Variants in PACRG observed in about 807,000 individuals in gnomAD.
The protein encoded by PACRG is parkin coregulated gene protein.
Under a neutral mutation model 29.7 loss-of-function variants are expected in PACRG, and 29 were observed. The observed-to-expected ratio is 0.98, with a 90% CI of 0.73 to 1.33. PACRG has a LOEUF of 1.33. Among genes scored for constraint, PACRG ranks in the 40% most tolerant of loss-of-function variants. The pLI is 0.00. For synonymous variants in PACRG, 116 were observed against 118.7 expected, an observed-to-expected ratio of 0.98 and a Z score of 0.15; for missense variants, 279 against 316.2, an observed-to-expected ratio of 0.88 and a Z score of 0.89.
intron 2 of PACRG, among the ~76,000 whole-genome samples, chr6:162,871,288 T>A (rs1285360859): frequency 6.6e-6 from 1 of 152,220 alleles, no homozygotes; most frequent in Non-Finnish European, 1.5e-5. Flanking sequence ...GAAGTTATAG[T>A]TTGAATGTGA....
intron 2 of PACRG, among the ~76,000 whole-genome samples, chr6:162,933,353 C>T (rs1562749396): frequency 6.6e-6 from 1 of 151,990 alleles, no homozygotes; most frequent in Non-Finnish European, 1.5e-5. Flanking sequence ...CTCTTAGGTA[C>T]ATTTGCTCTG....
At chr6:162,778,824 G>C (rs1344272567) in intron 1 of PACRG, among the ~76,000 whole-genome samples, 1 of 152,238 alleles carries the variant, frequency 6.6e-6, no homozygotes, top group African/African-American at 2.4e-5. Flanking sequence ...CGCTCAGAGC[G>C]AGCCTAGCGG....
chr6:163,158,446 C>G (rs1050830100), intron 4 of PACRG, among the ~76,000 whole-genome samples: 18 of 152,070 alleles, frequency 1.2e-4, no homozygotes, highest in Admixed American at 3.3e-4. Context: ...CCTTAAAGAT[C>G]AAAGCTTCCA....
At chr6:163,288,457 A>G (rs1275028109) in intron 4 of PACRG, among the ~76,000 whole-genome samples, 1 of 152,216 alleles carries the variant, frequency 6.6e-6, no homozygotes, top group Non-Finnish European at 1.5e-5. Context: ...CAGGAGAATA[A>G]GCTCTGTTAA....
chr6:163,312,692 A>G (rs1785473960), intron 4 of PACRG: 5 of 337,712 alleles, frequency 1.5e-5, no homozygotes, highest in South Asian at 1.1e-4. Flanking sequence ...CTCAAAAACA[A>G]TAGGGCAAGG....
chr6:162,989,769 G>A (rs1803265122), intron 2 of PACRG, among the ~76,000 whole-genome samples: 1 of 146,266 alleles, frequency 6.8e-6, no homozygotes. Context: ...TTAAGTTTTA[G>A]GGTACATGTG....
At position 163,175,998 on chromosome 6, in the gene PACRG, T is replaced by G. The variant is rs184107676; in HGVS notation, c.613+86590T>G. Reference sequence around the variant, plus strand: ...CAGGTAATGAGTCTATTCTGTTTATTTATCTAGTTCAGAGATTTGGGCTTC... The same window carrying G: ...CAGGTAATGAGTCTATTCTGTTTATGTATCTAGTTCAGAGATTTGGGCTTC... On this transcript the variant is annotated intron_variant, in intron 4 of 4. Coordinates refer to ENST00000366888, the MANE Select transcript of PACRG (RefSeq NM_001080379.2). 9.2e-5 allele frequency among the ~76,000 whole-genome samples: 14 copies of G among 152,348 alleles called. 1 individual carries two copies. The highest frequency in any genetic ancestry group is 9.1e-4 in the Admixed American group (14 of 15,302).
At chr6:163,108,392 C>CTTTTTTTTT (rs528887997) in intron 4 of PACRG, among the ~76,000 whole-genome samples, 7 of 90,506 alleles carry the variant, frequency 7.7e-5, no homozygotes, top group Admixed American at 1.6e-4. Context: ...TTCTCTTTCC[C>CTTTTTTTTT]TTTTTTTTTT....
At chr6:162,804,700 A>T (rs552275599) in intron 1 of PACRG, among the ~76,000 whole-genome samples, 6 of 152,254 alleles carry the variant, frequency 3.9e-5, no homozygotes, top group African/African-American at 1.4e-4. Context: ...TTAGACCTTG[A>T]CTGAAAACCC....
chr6:162,860,331 A>G (rs1299026205), intron 2 of PACRG, among the ~76,000 whole-genome samples: 1 of 152,186 alleles, frequency 6.6e-6, no homozygotes, highest in African/African-American at 2.4e-5. Context: ...TTTTCACCAA[A>G]TGAATTTTAT....
At chr6:162,829,622 A>T (rs1391155805) in intron 2 of PACRG, among the ~76,000 whole-genome samples, 2 of 152,190 alleles carry the variant, frequency 1.3e-5, no homozygotes, top group Non-Finnish European at 2.9e-5. Flanking sequence ...GGACCGTAAG[A>T]TTATAACAGA....
chr6:162,741,509 ATC>A (rs57619507), intron 1 of PACRG, among the ~76,000 whole-genome samples: 196 of 147,700 alleles, frequency 1.3e-3, no homozygotes, highest in Non-Finnish European at 1.1e-3. Flanking sequence ...TGAGGAGAGC[ATC>A]TCTCTCTCTC....
chr6:162,747,901 G>A (rs1386156493), intron 1 of PACRG, among the ~76,000 whole-genome samples: 2 of 151,846 alleles, frequency 1.3e-5, no homozygotes, highest in African/African-American at 4.8e-5. Flanking sequence ...GAGACACCTG[G>A]GCTAACATCA....
intron 4 of PACRG, among the ~76,000 whole-genome samples, chr6:163,108,187 C>T (rs1180320563): frequency 6.6e-6 from 1 of 152,020 alleles, no homozygotes; most frequent in African/African-American, 2.4e-5. Context: ...TTTCTGTTCT[C>T]ATGATGATGA....
chr6:163,041,713 C>A (rs1261475918), intron 2 of PACRG, among the ~76,000 whole-genome samples: 1 of 152,168 alleles, frequency 6.6e-6, no homozygotes, highest in Non-Finnish European at 1.5e-5. Context: ...TATTCAGCAA[C>A]CATATACTCG....
At chr6:163,215,434 G>A (rs943955408) in intron 4 of PACRG, among the ~76,000 whole-genome samples, 6 of 152,122 alleles carry the variant, frequency 3.9e-5, no homozygotes, top group East Asian at 3.9e-4. Context: ...CTCTTCTGGA[G>A]TCAATTTAGT....
chr6:163,154,524 G>A (rs1778233992), intron 4 of PACRG, among the ~76,000 whole-genome samples: 1 of 152,130 alleles, frequency 6.6e-6, no homozygotes. Flanking sequence ...AAGCTACGGG[G>A]GAGAAAAGGA....
chr6:163,248,810 C>T (rs1021734227), intron 4 of PACRG, among the ~76,000 whole-genome samples: 21 of 151,968 alleles, frequency 1.4e-4, no homozygotes, highest in African/African-American at 3.1e-4. Context: ...GTCAGGAGAT[C>T]GGGACCATCC....
intron 2 of PACRG, among the ~76,000 whole-genome samples, chr6:162,848,267 A>G (rs1192509159): frequency 6.6e-6 from 1 of 152,212 alleles, no homozygotes; most frequent in Non-Finnish European, 1.5e-5. Context: ...GCAAGGAAAC[A>G]CAATGACTTC....
Sources: allele counts gnomAD v4.1 joint callset (sites outside exome capture counted in the v4.1 genomes callset), GRCh38; gene constraint gnomAD v4.1.1; transcripts MANE v1.5; gene names NCBI Gene and HGNC (gene_info 2026-07-23, HGNC 2026-07-21).